Variants in NELL2 observed in about 807,000 individuals in gnomAD.
The protein encoded by NELL2 is neural EGFL like 2.
A neutral mutation model predicts 109.6 loss-of-function variants in NELL2; 41 were observed. That is an observed-to-expected ratio of 0.37 (90% confidence interval 0.29 to 0.49). The LOEUF (loss-of-function observed/expected upper bound fraction) is 0.49, where lower values mean the gene tolerates loss of function less well. Among genes scored for constraint, NELL2 ranks in the 20% least tolerant of loss-of-function variants. The pLI is 0.98. For synonymous variants in NELL2, 355 were observed against 344.7 expected (o/e 1.03, Z -0.33); for missense variants, 900 against 1,008.3 (o/e 0.89, Z 1.45).
chr12:44,650,274 T>C (rs1003797822), intron 13 of NELL2, among the ~76,000 whole-genome samples: 15 of 150,156 alleles, frequency 1.0e-4, no homozygotes, highest in Non-Finnish European at 2.1e-4. Flanking sequence ...GTGGACTGAA[T>C]GTCTTTACCT....
intron 2 of NELL2, among the ~76,000 whole-genome samples, chr12:44,862,059 T>C (rs2658959): frequency 0.8 from 120,962 of 151,624 alleles, 48,689 homozygotes; most frequent in Middle Eastern, 0.94. Flanking sequence ...TGACAAAGCA[T>C]CCAAAACAAT....
At chr12:44,719,501 A>G (rs182216644) in intron 9 of NELL2, among the ~76,000 whole-genome samples, 3 of 152,302 alleles carry the variant, frequency 2.0e-5, no homozygotes, top group Middle Eastern at 3.4e-3. Flanking sequence ...ACCTGATTTA[A>G]AATTCATGCA....
At chr12:44,905,438 T>C (rs1018005431) in intron 1 of NELL2, among the ~76,000 whole-genome samples, 48 of 152,092 alleles carry the variant, frequency 3.2e-4, no homozygotes, top group Admixed American at 3.9e-4. Context: ...TAATCTTACA[T>C]GAGACGACTC....
chr12:44,527,884 G>C (rs1053778824), intron 16 of NELL2, among the ~76,000 whole-genome samples: 1 of 151,928 alleles, frequency 6.6e-6, no homozygotes, highest in South Asian at 2.1e-4. Context: ...ACGAGGTCAG[G>C]AGACTGAGAC....
At chr12:44,513,827 T>C (rs150897788) in intron 19 of NELL2, among the ~76,000 whole-genome samples, 2 of 151,522 alleles carry the variant, frequency 1.3e-5, no homozygotes, top group African/African-American at 4.8e-5. Context: ...CAGAAAACTA[T>C]GAGAGAAAAA....
At chr12:44,893,461 T>C (rs12582974) in intron 1 of NELL2, among the ~76,000 whole-genome samples, 14,433 of 152,252 alleles carry the variant, frequency 0.095, 869 homozygotes, top group Admixed American at 0.17. Flanking sequence ...TAATTTCACA[T>C]ATAGGATCAG....
Position 44,719,846 on chromosome 12 carries a change from G to GA in NELL2, c.995-5106dup, listed in dbSNP as rs1245215294. Among the ~76,000 whole-genome samples, 6 of 151,864 alleles carry GA rather than the reference G, an allele frequency of 4.0e-5. No homozygotes were observed. In the South Asian group the frequency reaches 6.2e-4, roughly 16 times the overall value. ...TATACAAATCAAAGCTGTTGGATGAGAAAAAAACTCATTAACTATAATTAT... is the reference window on the plus strand; with the variant it reads ...TATACAAATCAAAGCTGTTGGATGAGAAAAAAAACTCATTAACTATAATTAT... On this transcript the variant is annotated intron_variant, in intron 9 of 19. Coordinates refer to ENST00000429094, the MANE Select transcript of NELL2 (RefSeq NM_001145108.2).
At chr12:44,690,804 T>G (rs1467958537) in intron 12 of NELL2, among the ~76,000 whole-genome samples, 1 of 152,158 alleles carries the variant, frequency 6.6e-6, no homozygotes, top group Non-Finnish European at 1.5e-5. Flanking sequence ...GAATGCTGAA[T>G]AAAGAGTCTC....
intron 2 of NELL2, among the ~76,000 whole-genome samples, chr12:44,838,254 AT>A (rs1338159219): frequency 6.6e-6 from 1 of 152,214 alleles, no homozygotes; most frequent in Non-Finnish European, 1.5e-5. Context: ...ATTTGGTACC[AT>A]GGTGTTCCCC....
intron 15 of NELL2, among the ~76,000 whole-genome samples, chr12:44,552,364 C>A (rs1438544343): frequency 6.6e-6 from 1 of 152,056 alleles, no homozygotes; most frequent in African/African-American, 2.4e-5. Context: ...CTATAATCAT[C>A]TTTTAGAAGG....
chr12:44,517,361 A>C, intron 19 of NELL2, among the ~76,000 whole-genome samples: 1 of 146,100 alleles, frequency 6.8e-6, no homozygotes, highest in Non-Finnish European at 1.5e-5. Context: ...GTACCTACCC[A>C]CCAACTACTT....
rs553090440 is a variant in NELL2, at chr12:44,858,800, C to T, written c.184+16425G>A. On this transcript the variant is annotated intron_variant, in intron 2 of 19. Transcript: ENST00000429094. ...AATGTAAGCAAGTGCTCAAATGACA[C>T]AAAAAGGCCCTAAGTTATGATTATC... Among the ~76,000 whole-genome samples, 73 of 152,176 alleles carry T rather than the reference C, an allele frequency of 4.8e-4. 1 individual carries two copies. The South Asian group carries it at 0.014, about 30-fold the overall frequency.
At chr12:44,794,536 A>C (rs112696728) in intron 3 of NELL2, among the ~76,000 whole-genome samples, 202 of 152,188 alleles carry the variant, frequency 1.3e-3, no homozygotes, top group Admixed American at 6.2e-3. Flanking sequence ...GTCACTGTGC[A>C]TTTTGCTTCC....
intron 2 of NELL2, among the ~76,000 whole-genome samples, chr12:44,841,209 C>T (rs1592636721): frequency 6.6e-6 from 1 of 152,158 alleles, no homozygotes; most frequent in South Asian, 2.1e-4. Context: ...ATTGCTTCGA[C>T]CTCCCTGATT....
chr12:44,587,517 T>C (rs1944571699), intron 15 of NELL2, among the ~76,000 whole-genome samples: 1 of 151,956 alleles, frequency 6.6e-6, no homozygotes, highest in African/African-American at 2.4e-5. Flanking sequence ...TTTGTGATGG[T>C]GCATCTTTTC....
In NELL2 at chr12:44,520,055, C is replaced by G; in HGVS notation, c.2350G>C (p.Gly784Arg). 6.2e-7 allele frequency: 1 copy of G among 1,614,088 alleles called. No individual in the cohort carries two copies. Among genetic ancestry groups the G allele is most frequent in the Admixed American group, 1.7e-5 (1 of 60,002 alleles). ...GTGCCATGTTTGATCCAAGAGGACC[C>G]GGTGAAGCGAACCACATTCATTTCG... ...LDEMNVVRFT[G>R]SSWIKHGTEC... The change falls in exon 19 of 20, where the codon GGG becomes CGG. Residue 784 changes from glycine (G) to arginine (R), a missense_variant. Transcript: ENST00000429094.
intron 9 of NELL2, among the ~76,000 whole-genome samples, chr12:44,764,818 C>T: frequency 6.6e-6 from 1 of 151,754 alleles, no homozygotes; most frequent in Non-Finnish European, 1.5e-5. Flanking sequence ...CATATCCTGA[C>T]ATCTTACTGC....
At chr12:44,622,255 C>T (rs919897967) in intron 13 of NELL2, among the ~76,000 whole-genome samples, 2 of 152,140 alleles carry the variant, frequency 1.3e-5, no homozygotes, top group Non-Finnish European at 2.9e-5. Context: ...CTTAAGAAAT[C>T]ATGATGCTTA....
At chr12:44,823,132 A>C (rs1440745066) in intron 2 of NELL2, among the ~76,000 whole-genome samples, 1 of 152,148 alleles carries the variant, frequency 6.6e-6, no homozygotes, top group Non-Finnish European at 1.5e-5. Context: ...ATAATTGACA[A>C]ATTAAAATTG....
Sources: allele counts gnomAD v4.1 joint callset (sites outside exome capture counted in the v4.1 genomes callset), GRCh38; gene constraint gnomAD v4.1.1; transcripts MANE v1.5; gene names NCBI Gene and HGNC (gene_info 2026-07-23, HGNC 2026-07-21).